EYA1: variants seen among roughly 807,000 people sequenced by gnomAD.
EYA1 encodes the protein EYA transcriptional coactivator and phosphatase 1.
EYA1 carries 16 observed loss-of-function variants against 82.0 expected under a neutral mutation model. That is an observed-to-expected ratio of 0.20 (90% CI 0.13 to 0.30). The LOEUF is 0.30. Among genes scored for constraint, EYA1 ranks in the 10% least tolerant of loss-of-function variants. The probability of loss-of-function intolerance (pLI) is 1.00; values close to 1 mark genes in which losing one functional copy is unlikely to be tolerated. For synonymous variants in EYA1, 261 were observed against 264.4 expected (o/e 0.99, Z 0.12); for missense variants, 633 against 730.7 (o/e 0.87, Z 1.54).
intron 12 of EYA1, among the ~76,000 whole-genome samples, chr8:71,238,567 C>G (rs965394828): frequency 2.0e-5 from 3 of 151,988 alleles, no homozygotes; most frequent in African/African-American, 7.2e-5. Context: ...TCCTAAATTT[C>G]CTTTTATGAT....
At chr8:71,350,534 C>CA (rs1826199584) in intron 3 of EYA1, among the ~76,000 whole-genome samples, 1 of 152,114 alleles carries the variant, frequency 6.6e-6, no homozygotes, top group Non-Finnish European at 1.5e-5. Context: ...TATACCAATT[C>CA]AAAATTACTA....
At chr8:71,335,030 A>T (rs1051460628) in intron 3 of EYA1, among the ~76,000 whole-genome samples, 1 of 152,222 alleles carries the variant, frequency 6.6e-6, no homozygotes, top group Admixed American at 6.5e-5. Flanking sequence ...ACATTTTTTT[A>T]AAAGAAGAAG....
At chr8:71,309,687 G>A (rs1206111715) in intron 7 of EYA1, among the ~76,000 whole-genome samples, 1 of 152,090 alleles carries the variant, frequency 6.6e-6, no homozygotes, top group African/African-American at 2.4e-5. Context: ...AATGGTTCAG[G>A]CGTACATTTG....
At chr8:71,262,917 T>G (rs1229325460) in intron 11 of EYA1, among the ~76,000 whole-genome samples, 2 of 152,242 alleles carry the variant, frequency 1.3e-5, no homozygotes, top group African/African-American at 4.8e-5. Context: ...TTTCATCCTT[T>G]TTATCTAATT....
chr8:71,367,889 C>T (rs1827847880), intron 2 of EYA1, among the ~76,000 whole-genome samples: 1 of 152,186 alleles, frequency 6.6e-6, no homozygotes, highest in Admixed American at 6.5e-5. Flanking sequence ...TGTTCAAATA[C>T]TTAAAACAGA....
At chr8:71,407,977 G>C (rs1830359080) in intron 2 of EYA1, among the ~76,000 whole-genome samples, 1 of 151,010 alleles carries the variant, frequency 6.6e-6, no homozygotes, top group African/African-American at 2.4e-5. Context: ...AGAGAGAAAG[G>C]TCGGGTTACC....
At chr8:71,232,851 A>G (rs547835087) in intron 12 of EYA1, among the ~76,000 whole-genome samples, 2 of 152,254 alleles carry the variant, frequency 1.3e-5, no homozygotes, top group East Asian at 3.9e-4. Flanking sequence ...CTGCATGTAG[A>G]AGACACTCAA....
intron 2 of EYA1, among the ~76,000 whole-genome samples, chr8:71,447,515 G>T (rs1468538071): frequency 6.6e-6 from 1 of 152,036 alleles, no homozygotes; most frequent in Non-Finnish European, 1.5e-5. Flanking sequence ...GATGTTTTGT[G>T]CAGTTCATAT....
At chr8:71,275,974 G>A (rs956314441) in intron 9 of EYA1, among the ~76,000 whole-genome samples, 4 of 152,184 alleles carry the variant, frequency 2.6e-5, no homozygotes, top group African/African-American at 9.7e-5. Context: ...TCTCTTTGGA[G>A]AACTTCTGCT....
chr8:71,249,565 A>G (rs532763957), intron 11 of EYA1, among the ~76,000 whole-genome samples: 117 of 152,256 alleles, frequency 7.7e-4, no homozygotes, highest in Non-Finnish European at 9.6e-4. Context: ...CCCTCCCATG[A>G]CACATGGGAA....
In EYA1 at chr8:71,220,194, T is replaced by C. The variant is rs543312404; in HGVS notation, c.1141-3171A>G. Among the ~76,000 whole-genome samples the C allele has an allele frequency of 4.5e-4, 68 of 152,308 alleles. No individual in the cohort carries two copies. The Middle Eastern group carries it at 0.014, about 30-fold the overall frequency. On this transcript the variant is annotated intron_variant, in intron 12 of 17. Coordinates refer to ENST00000340726, the MANE Select transcript of EYA1 (RefSeq NM_000503.6). ...TCAGTAGAGTACAGAACATACATAA[T>C]TCTATGGGAAAATAAGTTTTTATTC... is the stretch of plus-strand genomic sequence containing the variant.
intron 2 of EYA1, among the ~76,000 whole-genome samples, chr8:71,418,737 C>T (rs1293115181): frequency 6.6e-6 from 1 of 152,040 alleles, no homozygotes; most frequent in African/African-American, 2.4e-5. Context: ...GCAGGAGAGG[C>T]AGAAATAAAA....
chr8:71,493,873 A>G (rs959676612), intron 2 of EYA1, among the ~76,000 whole-genome samples: 3 of 147,980 alleles, frequency 2.0e-5, no homozygotes, highest in Non-Finnish European at 3.0e-5. Context: ...AATACAAAAA[A>G]TTAGCCGGGC....
At chr8:71,471,173 T>C (rs761052201) in intron 2 of EYA1, among the ~76,000 whole-genome samples, 8 of 151,658 alleles carry the variant, frequency 5.3e-5, no homozygotes, top group Middle Eastern at 3.4e-3. Flanking sequence ...TAGAAGAGAG[T>C]CTGAATTGCC....
intron 12 of EYA1, 124 bp downstream of exon 12, chr8:71,244,479 A>G (rs1250147308): frequency 1.6e-6 from 1 of 633,098 alleles, no homozygotes; most frequent in Non-Finnish European, 2.8e-6. Flanking sequence ...ACATTGCCAT[A>G]TTACCAACAA....
chr8:71,413,662 A>T (rs983138544), intron 2 of EYA1, among the ~76,000 whole-genome samples: 1 of 152,226 alleles, frequency 6.6e-6, no homozygotes, highest in African/African-American at 2.4e-5. Context: ...ATGCAAAATA[A>T]GGTATCCCAA....
intron 2 of EYA1, among the ~76,000 whole-genome samples, chr8:71,384,350 C>T (rs1204490690): frequency 6.6e-6 from 1 of 152,166 alleles, no homozygotes; most frequent in African/African-American, 2.4e-5. Flanking sequence ...CTTACTCCCC[C>T]AGACTTCACT....
Position 71,354,798 on chromosome 8 carries a change from A to C in EYA1, c.108T>G (p.Thr36=), listed in dbSNP as rs1215434292. 3.7e-6 allele frequency: 6 copies of C among 1,613,332 alleles called. No individual in the cohort carries two copies. In the Admixed American group the frequency reaches 1.0e-4, roughly 27 times the overall value. The change falls in exon 3 of 18, where the codon ACT becomes ACG. Residue 36 remains threonine (T), a synonymous_variant. Transcript: ENST00000340726. ...GNSHINSNSM[T]PNGTEVKTEP... is the part of the protein sequence containing the mutation. ...GACACTCACCTTCGGTGCCATTGGG[A>C]GTCATGGAATTACTATTTATATGAG...
intron 3 of EYA1, among the ~76,000 whole-genome samples, chr8:71,344,697 T>A (rs989290577): frequency 1.3e-5 from 2 of 152,164 alleles, no homozygotes; most frequent in African/African-American, 4.8e-5. Context: ...GGCACGGCAA[T>A]AAGAAGGTTT....
Sources: gnomAD v4.1 joint callset for allele counts (sites outside exome capture counted in the v4.1 genomes callset) on GRCh38, gnomAD v4.1.1 for gene constraint, MANE v1.5 for transcripts, NCBI Gene and HGNC (gene_info 2026-07-23, HGNC 2026-07-21) for gene names.